The following RIF1 variants were observed in gnomAD, a reference collection of about 807,000 sequenced individuals.
RIF1 encodes replication timing regulatory factor 1, also known as telomere-associated protein RIF1.
RIF1 carries 45 observed loss-of-function variants against 247.1 expected under a neutral mutation model. The ratio of observed to expected loss-of-function variants is 0.18; its 90% CI spans 0.14 to 0.23. The LOEUF (loss-of-function observed/expected upper bound fraction) is 0.23. Ranked by LOEUF, RIF1 falls within the 10% of genes least tolerant of loss-of-function variation. RIF1 has a pLI of 1.00. For missense variants in RIF1, 2,967 were observed against 2,862.5 expected (o/e 1.04, Z -0.83); for synonymous variants, 1,087 against 978.8 (o/e 1.11, Z -2.06).
downstream of RIF1, among the ~76,000 whole-genome samples, chr2:151,512,387 G>A (rs1466447258): frequency 6.6e-6 from 1 of 151,020 alleles, no homozygotes; most frequent in Non-Finnish European, 1.5e-5. Flanking sequence ...CTGCAGTGGT[G>A]CAGTCACAGC....
the RIF1 span, among the ~76,000 whole-genome samples, chr2:151,513,049 T>A: frequency 3.9e-5 from 6 of 152,136 alleles, no homozygotes; most frequent in East Asian, 1.2e-3. Context: ...GAGAGAAGAT[T>A]TAGTTGGATG....
At chr2:151,522,844 C>T in the RIF1 span, among the ~76,000 whole-genome samples, 340 of 152,248 alleles carry the variant, frequency 2.2e-3, 4 homozygotes, top group Admixed American at 0.02. Context: ...GCCTAGAGTA[C>T]GCAGCAAGAC....
intron 11 of RIF1, among the ~76,000 whole-genome samples, chr2:151,502,361 T>G (rs959946793): frequency 1.4e-5 from 2 of 147,514 alleles, no homozygotes; most frequent in Non-Finnish European, 3.0e-5. Flanking sequence ...CCCAAACTTA[T>G]GGAAAAATAA....
At chr2:151,433,031 C>G (rs770187488) in intron 9 of RIF1, 46 bp from the exon 10 acceptor site, 2 of 1,486,996 alleles carry the variant, frequency 1.3e-6, no homozygotes, top group Admixed American at 1.9e-5. Flanking sequence ...TAGAGTTAAT[C>G]TTTAGCTTGG....
chr2:151,421,172 A>G (rs1355161573), intron 7 of RIF1, among the ~76,000 whole-genome samples: 3 of 152,246 alleles, frequency 2.0e-5, no homozygotes, highest in Non-Finnish European at 4.4e-5. Context: ...GCAGTGAACA[A>G]AAGAGGCTTG....
Position 151,491,961 on chromosome 2 carries a change from A to G in RIF1, c.*416-3268A>G, listed in dbSNP as rs992833419. 2.3e-5 allele frequency: 25 copies of G among 1,063,870 alleles called. No individual in the cohort carries two copies. In the African/African-American group the frequency reaches 3.8e-4, roughly 16 times the overall value. 65.9% of individuals were successfully genotyped at this position (1,063,870 alleles called of 1,614,324 possible). ...AGAAATCAGCTTTGTAAACTATGAG[A>G]TAATAGGAGCTTTCTTGCACCTCTA... On this transcript the variant is annotated intron_variant and NMD_transcript_variant, in intron 9 of 13. Transcript: ENST00000454583.
In RIF1 at chr2:151,436,510, C is replaced by T. The variant is rs577744972; in HGVS notation, c.1196-317C>T. Among the ~76,000 whole-genome samples the T allele has an allele frequency of 1.7e-3, 253 of 145,764 alleles. 1 individual carries two copies. Among genetic ancestry groups the T allele is most frequent in the Middle Eastern group, 7.1e-3 (2 of 282 alleles). On this transcript the variant is annotated intron_variant, in intron 11 of 35. Transcript: ENST00000444746. The stretch of plus-strand genomic sequence containing the variant: ...GAACTATGATTGTACCACTGCACTG[C>T]AGCCTGGGCAGTACAATGAGACTCT...
chr2:151,520,039 CAAAAA>C, the RIF1 span: 14 of 159,030 alleles, frequency 8.8e-5, no homozygotes, highest in Non-Finnish European at 1.4e-4. Flanking sequence ...TAATGCAAAA[CAAAAA>C]AAAAAAAAAA....
chr2:151,437,109 T>TTGTGTATA, intron 12 of RIF1, 106 bp downstream of exon 12: 1 of 1,199,734 alleles, frequency 8.3e-7, no homozygotes, highest in South Asian at 1.5e-5. Context: ...TATTTTACAG[T>TTGTGTATA]TGTGTATGAA....
Position 151,440,017 on chromosome 2 carries a change from T to G in RIF1, c.1547-10T>G. The G allele has an allele frequency of 7.4e-7, 1 of 1,347,814 alleles. No homozygotes were observed. Among genetic ancestry groups the G allele is most frequent in the Non-Finnish European group, 1.0e-6 (1 of 959,042 alleles). 83.5% of individuals were successfully genotyped at this position (1,347,814 alleles called of 1,614,324 possible). The stretch of plus-strand genomic sequence containing the variant: ...AAAAGAACTATACCCTTCTTTTTGC[T>G]TTTTGATAGGTAACAAAAAAGAGAA... On this transcript the variant is annotated splice_polypyrimidine_tract_variant and intron_variant, in intron 14 of 35. Transcript: ENST00000444746.
intron 20 of RIF1, among the ~76,000 whole-genome samples, chr2:151,446,920 G>A (rs1693370497): frequency 6.7e-6 from 1 of 150,182 alleles, no homozygotes. Flanking sequence ...TGTAGTCTTA[G>A]AAAATATAAG....
the RIF1 span, chr2:151,531,173 G>GT: frequency 3.0e-6 from 3 of 1,008,230 alleles, no homozygotes; most frequent in East Asian, 2.6e-5. Context: ...TAAATGCAAA[G>GT]TTTTTTCCTG....
chr2:151,437,317 T>C lies in RIF1; in HGVS notation c.1449T>C (p.His483=). ...CAAATACACTTATCACTGCTGTTCA[T>C]GATAGCTTTGTTGCAGTTGGAAAAG... is the stretch of plus-strand genomic sequence containing the variant. ...KHANTLITAV[H]DSFVAVGKDA... is the part of the protein sequence containing the mutation. Residue 483 remains histidine, a synonymous_variant, in exon 13 of 36, where the codon CAT becomes CAC. Coordinates refer to ENST00000444746, the MANE Select transcript of RIF1 (RefSeq NM_018151.5). 6.2e-7 allele frequency: 1 copy of C among 1,613,824 alleles called. No individual in the cohort carries two copies. The highest frequency in any genetic ancestry group is 8.5e-7 in the Non-Finnish European group (1 of 1,179,714).
chr2:151,512,997 C>A (rs971372225), downstream of RIF1, among the ~76,000 whole-genome samples: 7 of 152,034 alleles, frequency 4.6e-5, no homozygotes, highest in African/African-American at 1.7e-4. Context: ...AGTTTTATAC[C>A]AAAGAGTGAG....
At position 151,468,219 on chromosome 2, in the gene RIF1, A is replaced by G. The variant is rs1697251452; in HGVS notation, c.6747+73A>G. 11 of 1,342,768 alleles carry G rather than the reference A, an allele frequency of 8.2e-6. No individual in the cohort carries two copies. In the East Asian group the frequency reaches 2.3e-4, roughly 28 times the overall value. The allele number at this position is 1,342,768 out of a possible 1,614,324, so 83.2% of individuals were successfully genotyped here. A position where few individuals can be genotyped will look rare whatever the true frequency, so the allele number is the denominator to read the frequency against. On this transcript the variant is annotated intron_variant, in intron 31 of 35. Coordinates refer to ENST00000444746, the MANE Select transcript of RIF1 (RefSeq NM_018151.5). ...TTACATGTACATGATGTGTCATAAA[A>G]TGAACTATATATGTGAAAAACTTCT...
intron 10 of RIF1, among the ~76,000 whole-genome samples, chr2:151,495,663 AAAG>A (rs888028574): frequency 4.0e-5 from 6 of 151,648 alleles, no homozygotes; most frequent in Non-Finnish European, 7.4e-5. Context: ...CAGTAAAACT[AAAG>A]AACAACAACA....
intron 9 of RIF1, among the ~76,000 whole-genome samples, chr2:151,431,889 T>G (rs1461633438): frequency 6.6e-6 from 1 of 152,242 alleles, no homozygotes; most frequent in African/African-American, 2.4e-5. Flanking sequence ...TAGCCTTTAT[T>G]TTCTTATAGA....
intron 9 of RIF1, chr2:151,494,081 C>T: frequency 1.6e-6 from 2 of 1,237,520 alleles, no homozygotes; most frequent in Non-Finnish European, 2.3e-6. Context: ...TGTTTTTAAC[C>T]TGGGACAGGG....
intron 21 of RIF1, among the ~76,000 whole-genome samples, chr2:151,452,594 C>T (rs982339526): frequency 6.6e-6 from 1 of 152,198 alleles, no homozygotes; most frequent in Non-Finnish European, 1.5e-5. Flanking sequence ...GCATCCCGGC[C>T]TGAGTGCCGT....
Sources: allele counts gnomAD v4.1 joint callset (sites outside exome capture counted in the v4.1 genomes callset), GRCh38; gene constraint gnomAD v4.1.1; transcripts MANE v1.5; gene names NCBI Gene and HGNC (gene_info 2026-07-23, HGNC 2026-07-21).